Variants in HS6ST2 observed in about 807,000 individuals in gnomAD.
The protein encoded by HS6ST2 is heparan sulfate 6-O-sulfotransferase 2.
HS6ST2 carries 17 observed loss-of-function variants against 33.0 expected under a neutral mutation model. That is an observed-to-expected ratio of 0.52 (90% CI 0.35 to 0.77). The LOEUF is 0.77. Among genes scored for constraint, HS6ST2 ranks in the 30% least tolerant of loss-of-function variants. The probability of loss-of-function intolerance (pLI) is 0.01; values close to 1 mark genes in which losing one functional copy is unlikely to be tolerated. For synonymous variants in HS6ST2, 248 were observed against 237.1 expected, an observed-to-expected ratio of 1.05 and a Z score of -0.42; for missense variants, 519 against 551.7, an observed-to-expected ratio of 0.94 and a Z score of 0.59.
At chrX:132,780,245 T>C (rs2065006064) in intron 2 of HS6ST2, among the ~76,000 whole-genome samples, 2 of 108,526 alleles carry the variant, frequency 1.8e-5, no homozygotes, top group Admixed American at 9.7e-5. Flanking sequence ...TTTTTCCTCC[T>C]TTGCCTCCCA....
chrX:132,939,297 A>C (rs772334265), intron 2 of HS6ST2, among the ~76,000 whole-genome samples: 8 of 111,033 alleles, frequency 7.2e-5, no homozygotes, highest in Non-Finnish European at 1.5e-4. Flanking sequence ...TTAAAAATGA[A>C]TTCAGCAAGG....
At chrX:132,661,831 A>T (rs976356184) in intron 4 of HS6ST2, among the ~76,000 whole-genome samples, 3 of 111,390 alleles carry the variant, frequency 2.7e-5, no homozygotes, top group African/African-American at 9.8e-5. Flanking sequence ...ATTGTTTGAG[A>T]CCAGCCTGGG....
chrX:132,889,963 A>AGAT (rs1299953254), intron 2 of HS6ST2, among the ~76,000 whole-genome samples: 1 of 112,007 alleles, frequency 8.9e-6, no homozygotes, highest in African/African-American at 3.2e-5. Context: ...GGAACAGAAT[A>AGAT]GATAACACAA....
At chrX:132,646,715 T>C (rs886919880) in intron 4 of HS6ST2, among the ~76,000 whole-genome samples, 2 of 109,892 alleles carry the variant, frequency 1.8e-5, no homozygotes, top group Non-Finnish European at 3.8e-5. Context: ...CTACTGGTGG[T>C]GAGGAGAGTG....
rs142987722 is a variant in HS6ST2 at position 132,697,035 on chromosome X, A to G, written c.980+11427T>C. The stretch of plus-strand genomic sequence containing the variant: ...AGAACATTGCTTGCATTTTCATCAA[A>G]TAACACTGTAATCTATTACATGTCA... On this transcript the variant is annotated intron_variant, in intron 3 of 4. Transcript: ENST00000370833. Among the ~76,000 whole-genome samples, 891 of 112,495 alleles carry G rather than the reference A, an allele frequency of 7.9e-3. 3 individuals carry two copies. The highest frequency in any genetic ancestry group is 0.023 in the Middle Eastern group (5 of 217).
intron 2 of HS6ST2, among the ~76,000 whole-genome samples, chrX:132,902,315 C>A (rs1249816879): frequency 2.7e-5 from 3 of 111,326 alleles, no homozygotes; most frequent in African/African-American, 9.8e-5. Flanking sequence ...GTTGCCCAGG[C>A]AGGTCTCAAA....
intron 3 of HS6ST2, among the ~76,000 whole-genome samples, chrX:132,696,612 C>T (rs2064106580): frequency 8.9e-6 from 1 of 112,024 alleles, no homozygotes; most frequent in African/African-American, 3.2e-5. Flanking sequence ...AACACATGAG[C>T]TTTGGGAAAT....
chrX:132,902,735 A>G (rs1299413521), intron 2 of HS6ST2, among the ~76,000 whole-genome samples: 3 of 111,935 alleles, frequency 2.7e-5, no homozygotes, highest in African/African-American at 9.7e-5. Context: ...ACAATTTCCA[A>G]AGCAGCAAGA....
intron 2 of HS6ST2, among the ~76,000 whole-genome samples, chrX:132,765,466 TA>T (rs1163538939): frequency 8.9e-6 from 1 of 112,077 alleles, no homozygotes; most frequent in Non-Finnish European, 1.9e-5. Context: ...TTTTTATTTT[TA>T]TTTTTTTGAC....
chrX:132,770,042 T>C (rs933676279), intron 2 of HS6ST2, among the ~76,000 whole-genome samples: 3 of 112,214 alleles, frequency 2.7e-5, no homozygotes, highest in African/African-American at 9.7e-5. Flanking sequence ...TGTTACTTCA[T>C]TGAATCATCA....
At chrX:132,738,722 T>C (rs1002984213) in intron 2 of HS6ST2, among the ~76,000 whole-genome samples, 10 of 112,102 alleles carry the variant, frequency 8.9e-5, no homozygotes, top group African/African-American at 3.2e-4. Context: ...GGTGGACTCA[T>C]TGGTTTCTTC....
intron 2 of HS6ST2, among the ~76,000 whole-genome samples, chrX:132,919,457 A>C (rs2066628147): frequency 8.9e-6 from 1 of 112,059 alleles, no homozygotes; most frequent in Admixed American, 9.5e-5. Context: ...GTTTTTCCTG[A>C]AACATAATAT....
chrX:132,819,040 T>G (rs908522259), intron 2 of HS6ST2, among the ~76,000 whole-genome samples: 2 of 107,297 alleles, frequency 1.9e-5, no homozygotes, highest in East Asian at 2.9e-4. Flanking sequence ...AATTTTTATG[T>G]TTTTTTTTTC....
chrX:132,941,416 C>T (rs1182272548), intron 2 of HS6ST2, among the ~76,000 whole-genome samples: 5 of 112,051 alleles, frequency 4.5e-5, no homozygotes, highest in Non-Finnish European at 9.4e-5. Context: ...TAATGGATCT[C>T]ATGACATGTA....
intron 3 of HS6ST2, among the ~76,000 whole-genome samples, chrX:132,689,281 C>T (rs1396399913): frequency 1.8e-5 from 2 of 112,252 alleles, no homozygotes; most frequent in African/African-American, 3.2e-5. Flanking sequence ...AGCCAGAAAT[C>T]GGTACAAACA....
chrX:132,854,182 T>C lies in HS6ST2; in HGVS notation c.947+102626A>G, dbSNP rs951027938. ...ACTCTATCGCTAGTCACAATGCTGTTCCTTGCTGAGATTTTTAAAGACTGC... is the reference window on the plus strand; with the variant it reads ...ACTCTATCGCTAGTCACAATGCTGTCCCTTGCTGAGATTTTTAAAGACTGC... On this transcript the variant is annotated intron_variant, in intron 2 of 4. Transcript: ENST00000370833. Among the ~76,000 whole-genome samples, 8 of 112,506 alleles carry C rather than the reference T, an allele frequency of 7.1e-5. No individual in the cohort carries two copies. In the East Asian group the frequency reaches 2.2e-3, roughly 32 times the overall value.
chrX:132,881,792 A>G (rs77861997), intron 2 of HS6ST2, among the ~76,000 whole-genome samples: 2,002 of 111,460 alleles, frequency 0.018, 44 homozygotes, highest in Middle Eastern at 0.032. Flanking sequence ...ATCTTGAATT[A>G]ATTTTTGTAT....
chrX:132,952,123 C>G (rs2067021752), intron 2 of HS6ST2, among the ~76,000 whole-genome samples: 3 of 112,007 alleles, frequency 2.7e-5, no homozygotes, highest in Admixed American at 9.5e-5. Flanking sequence ...CCCCATAGCA[C>G]TGATCTAAAA....
intron 2 of HS6ST2, among the ~76,000 whole-genome samples, chrX:132,743,440 T>C (rs1444391970): frequency 8.9e-6 from 1 of 112,491 alleles, no homozygotes; most frequent in Non-Finnish European, 1.9e-5. Context: ...GGGACTGCAA[T>C]GACTAGCACT....
Sources: gnomAD v4.1 joint callset for allele counts (sites outside exome capture counted in the v4.1 genomes callset) on GRCh38, gnomAD v4.1.1 for gene constraint, MANE v1.5 for transcripts, NCBI Gene and HGNC (gene_info 2026-07-23, HGNC 2026-07-21) for gene names.